The following BIRC2 variants were observed in gnomAD, a reference collection of about 807,000 sequenced individuals.
BIRC2 encodes baculoviral IAP repeat-containing protein 2.
Under a neutral mutation model 60.9 loss-of-function variants are expected in BIRC2, and 18 were observed. The observed-to-expected ratio is 0.30, with a 90% CI of 0.20 to 0.44. The LOEUF (loss-of-function observed/expected upper bound fraction) is 0.44, where lower values mean the gene tolerates loss of function less well. Ranked by LOEUF, BIRC2 falls within the 20% of genes least tolerant of loss-of-function variation. The pLI is 1.00. For missense variants in BIRC2, 701 were observed against 728.5 expected (o/e 0.96, Z 0.43); for synonymous variants, 282 against 247.7 (o/e 1.14, Z -1.30).
chr11:102,363,562 CAAAA>C (rs1172272629), intron 4 of BIRC2, 102 bp from the exon 5 acceptor site: 1 of 773,834 alleles, frequency 1.3e-6, no homozygotes, highest in Non-Finnish European at 2.1e-6. Context: ...ACTCAGTTCT[CAAAA>C]GAACATATAC....
chr11:102,373,223 G>C (rs928848262), intron 6 of BIRC2, among the ~76,000 whole-genome samples: 24 of 152,192 alleles, frequency 1.6e-4, no homozygotes, highest in Non-Finnish European at 3.5e-4. Flanking sequence ...ATGTTAGCTG[G>C]TGATTTTGCT....
Position 102,349,948 on chromosome 11 carries a change from A to G in BIRC2, c.94A>G (p.Thr32Ala), listed in dbSNP as rs889143031. 6 of 1,614,108 alleles carry G rather than the reference A, an allele frequency of 3.7e-6. No homozygotes were observed. Among genetic ancestry groups the G allele is most frequent in the Non-Finnish European group, 4.2e-6 (5 of 1,180,040 alleles). ...AGATAGCACGATCTTGTCAGATTGG[A>G]CAAACAGCAACAAACAAAAAATGAA... Reference protein sequence around the residue: ...MEDSTILSDWTNSNKQKMKYD... With the variant: ...MEDSTILSDWANSNKQKMKYD... Residue 32 changes from threonine (T) to alanine (A), a missense_variant, in exon 2 of 9, where the codon ACA (threonine) becomes GCA (alanine). Thr to Ala is a moderately conservative substitution (Grantham distance 58, BLOSUM62 0). Coordinates refer to ENST00000227758, the MANE Select transcript of BIRC2 (RefSeq NM_001166.5).
chr11:102,364,992 T>C (rs1951537277), intron 5 of BIRC2, among the ~76,000 whole-genome samples: 1 of 152,230 alleles, frequency 6.6e-6, no homozygotes, highest in African/African-American at 2.4e-5. Flanking sequence ...TTGTTTTCTG[T>C]CTTGATAATT....
chr11:102,367,228 T>A (rs1433427729), intron 5 of BIRC2, among the ~76,000 whole-genome samples: 1 of 152,188 alleles, frequency 6.6e-6, no homozygotes, highest in Non-Finnish European at 1.5e-5. Flanking sequence ...GTTTGTATAT[T>A]TTTAAATTTT....
In BIRC2 at chr11:102,368,357, A is replaced by G. The variant is rs1951577468; in HGVS notation, c.1175A>G (p.Asn392Ser). Residue 392 changes from asparagine to serine, a missense_variant, in exon 6 of 9, where the codon AAT becomes AGT. Physicochemically the swap from Asn to Ser is conservative, Grantham distance 46. Coordinates refer to ENST00000227758, the MANE Select transcript of BIRC2 (RefSeq NM_001166.5). ...TCTTCAGAAGATGCTGTCATGATGAATACACCTGTGGTTAAATCTGCCTTG... is the reference window on the plus strand; with the variant it reads ...TCTTCAGAAGATGCTGTCATGATGAGTACACCTGTGGTTAAATCTGCCTTG... ...ESSSEDAVMM[N>S]TPVVKSALEM... 6.2e-7 allele frequency: 1 copy of G among 1,613,440 alleles called. No homozygotes were observed.
chr11:102,355,918 A>G (rs766900130), intron 3 of BIRC2, among the ~76,000 whole-genome samples: 2 of 151,978 alleles, frequency 1.3e-5, no homozygotes, highest in Non-Finnish European at 2.9e-5. Flanking sequence ...CAGATAGTTC[A>G]TTGTTAGTAC....
Position 102,364,215 on chromosome 11 carries a change from A to AGG in BIRC2, c.1123+500_1123+501insGG, listed in dbSNP as rs1951527056. On this transcript the variant is annotated intron_variant, in intron 5 of 8. Transcript: ENST00000227758. ...GAGAGAGAGAGAGAGAGAGAGAGAG[A>AGG]GTGTAATGACACTGTGGAGGACCCT... Among the ~76,000 whole-genome samples the AGG allele has an allele frequency of 3.0e-5, 4 of 134,400 alleles. 1 individual carries two copies. The highest frequency in any genetic ancestry group is 2.2e-4 in the Admixed American group (3 of 13,430). 88.2% of individuals were successfully genotyped at this position (134,400 alleles called of 152,430 possible).
chr11:102,366,048 A>G (rs1337103567), intron 5 of BIRC2, among the ~76,000 whole-genome samples: 1 of 151,814 alleles, frequency 6.6e-6, no homozygotes, highest in Non-Finnish European at 1.5e-5. Flanking sequence ...GCTTAAATTT[A>G]TTTCTCCATT....
At chr11:102,363,572 TATAC>T in intron 4 of BIRC2, 92 bp from the exon 5 acceptor site, 1 of 886,720 alleles carries the variant, frequency 1.1e-6, no homozygotes, top group Non-Finnish European at 1.8e-6. Flanking sequence ...CAAAAGAACA[TATAC>T]ATTTACTTAA....
intron 6 of BIRC2, among the ~76,000 whole-genome samples, chr11:102,369,328 CCA>C (rs1318582039): frequency 2.4e-5 from 3 of 123,536 alleles, no homozygotes; most frequent in African/African-American, 9.3e-5. Flanking sequence ...CCCCACCCCA[CCA>C]CAGTCCCCAG....
intron 3 of BIRC2, among the ~76,000 whole-genome samples, chr11:102,360,832 G>GTGAGGC (rs1200776241): frequency 3.3e-5 from 5 of 151,110 alleles, no homozygotes; most frequent in African/African-American, 1.2e-4. Flanking sequence ...GAGGGTGAGG[G>GTGAGGC]TGAGGGCGCC....
rs531569780 is a variant in BIRC2, at chr11:102,352,881, C to T, written c.995+1938C>T. Among the ~76,000 whole-genome samples, 9 of 152,096 alleles carry T rather than the reference C, an allele frequency of 5.9e-5. No individual in the cohort carries two copies. In the South Asian group the frequency reaches 6.2e-4, roughly 11 times the overall value. ...CCCTTCAGGAAATTTAAAAAGTTTT[C>T]GTCATTTTGTATGATATATGATGAA... is the stretch of plus-strand genomic sequence containing the variant. On this transcript the variant is annotated intron_variant, in intron 3 of 8. Transcript: ENST00000227758.
chr11:102,363,762 A>G (rs1356499903), intron 5 of BIRC2, 46 bp downstream of exon 5: 1 of 1,501,242 alleles, frequency 6.7e-7, no homozygotes, highest in Non-Finnish European at 9.2e-7. Flanking sequence ...TTTTTATAAG[A>G]ATTTTAGGAA....
At chr11:102,371,615 G>C (rs2135821357) in intron 6 of BIRC2, among the ~76,000 whole-genome samples, 1 of 148,140 alleles carries the variant, frequency 6.8e-6, no homozygotes, top group East Asian at 2.0e-4. Context: ...CAAGGATATT[G>C]GTCTAAAATT....
chr11:102,357,688 A>T (rs148178970), intron 3 of BIRC2, among the ~76,000 whole-genome samples: 1 of 151,954 alleles, frequency 6.6e-6, no homozygotes, highest in Non-Finnish European at 1.5e-5. Context: ...TTACTAGTCA[A>T]ACTAAAGCTT....
intron 3 of BIRC2, among the ~76,000 whole-genome samples, chr11:102,356,655 G>A (rs1951425014): frequency 6.7e-6 from 1 of 148,956 alleles, no homozygotes; most frequent in African/African-American, 2.5e-5. Context: ...CTGTTGAGAT[G>A]TTTATATTAT....
At chr11:102,364,570 A>G (rs1027899416) in intron 5 of BIRC2, among the ~76,000 whole-genome samples, 2 of 152,308 alleles carry the variant, frequency 1.3e-5, no homozygotes, top group African/African-American at 2.4e-5. Flanking sequence ...TGTAATATAC[A>G]TATGTTATTG....
intron 3 of BIRC2, among the ~76,000 whole-genome samples, chr11:102,354,401 G>A (rs1249188238): frequency 6.6e-6 from 1 of 152,068 alleles, no homozygotes. Context: ...TAGAGACGGG[G>A]TTTCACCATG....
intron 6 of BIRC2, among the ~76,000 whole-genome samples, chr11:102,375,715 G>A (rs1239639270): frequency 2.6e-5 from 4 of 151,350 alleles, no homozygotes; most frequent in Non-Finnish European, 4.4e-5. Context: ...GGGAGGCAGA[G>A]CTTGCAGTGA....
Sources: allele counts gnomAD v4.1 joint callset (sites outside exome capture counted in the v4.1 genomes callset), GRCh38; gene constraint gnomAD v4.1.1; transcripts MANE v1.5; gene names NCBI Gene and HGNC (gene_info 2026-07-23, HGNC 2026-07-21).